HSD3B2: variants seen among roughly 807,000 people sequenced by gnomAD.
HSD3B2 encodes the protein hydroxy-delta-5-steroid dehydrogenase, 3 beta- and steroid delta-isomerase 2.
Under a neutral mutation model 9.9 loss-of-function variants are expected in HSD3B2, and 8 were observed. The observed-to-expected ratio is 0.81, with a 90% confidence interval of 0.47 to 1.46. The LOEUF (loss-of-function observed/expected upper bound fraction) is 1.46, where lower values mean the gene tolerates loss of function less well. HSD3B2 is among the 40% of genes most tolerant of loss of function. The pLI is 0.00. For synonymous variants in HSD3B2, 221 were observed against 184.5 expected (o/e 1.20, Z -1.60); for missense variants, 410 against 448.3 (o/e 0.91, Z 0.77).
At position 119,422,434 on chromosome 1, in the gene HSD3B2, AC is replaced by A; in HGVS notation, c.939del (p.Phe314SerfsTer54). 6.2e-7 allele frequency: 1 copy of A among 1,612,998 alleles called. No homozygotes were observed. Among genetic ancestry groups the A allele is most frequent in the African/African-American group, 1.3e-5 (1 of 74,704 alleles). On this transcript the variant is annotated frameshift_variant, in exon 4 of 4. Transcript: ENST00000369416. LOFTEE classifies it low-confidence loss of function (END_TRUNC). Reference protein sequence around the residue: ...FLLSPIYSYQPPFNRHTVTLS... With the variant: ...FLLSPIYSYQXPFNRHTVTLS... ...TACTCAGCCCAATTTACTCCTATCA[AC>A]CCCCCTTCAACCGCCACACAGTCAC...
intron 2 of HSD3B2, among the ~76,000 whole-genome samples, chr1:119,419,089 C>A (rs1651789637): frequency 6.6e-6 from 1 of 152,198 alleles, no homozygotes; most frequent in African/African-American, 2.4e-5. Context: ...CAACTCTCCA[C>A]AATCACTCTA....
At chr1:119,416,344 A>G (rs1651709665) in intron 2 of HSD3B2, among the ~76,000 whole-genome samples, 1 of 152,192 alleles carries the variant, frequency 6.6e-6, no homozygotes. Flanking sequence ...TCTGTTGTTC[A>G]ATACTCCAAA....
At position 119,421,808 on chromosome 1, in the gene HSD3B2, G is replaced by C; in HGVS notation, c.308-1G>C. On this transcript the variant is annotated splice_acceptor_variant, in intron 3 of 3. Transcript: ENST00000369416. LOFTEE classifies it high-confidence loss of function. ...ACTGTCATCATGCTCTTCGTGGGCAGGTACCCAGCTACTGTTGGAGGCCTG... is the reference window on the plus strand; with the variant it reads ...ACTGTCATCATGCTCTTCGTGGGCACGTACCCAGCTACTGTTGGAGGCCTG... The C allele has an allele frequency of 1.5e-5, 24 of 1,613,612 alleles. No homozygotes were observed. The highest frequency in any genetic ancestry group is 2.0e-5 in the Non-Finnish European group (24 of 1,179,770).
rs773331795 is a variant in HSD3B2, at chr1:119,422,448, G to A, written c.947G>A (p.Arg316His). Residue 316 changes from arginine to histidine, a missense_variant, in exon 4 of 4, where the codon CGC becomes CAC. Transcript: ENST00000369416. The stretch of plus-strand genomic sequence containing the variant: ...TACTCCTATCAACCCCCCTTCAACC[G>A]CCACACAGTCACATTATCAAATAGT... Reference protein sequence around the residue: ...PIYSYQPPFNRHTVTLSNSVF... With the variant: ...PIYSYQPPFNHHTVTLSNSVF... 38 of 1,613,854 alleles carry A rather than the reference G, an allele frequency of 2.4e-5. No homozygotes were observed. Among genetic ancestry groups the A allele is most frequent in the East Asian group, 6.7e-5 (3 of 44,870 alleles).
rs1402295450 is a variant in HSD3B2 at position 119,422,920 on chromosome 1, T to A, written c.*300T>A. On this transcript the variant is annotated 3_prime_UTR_variant, in exon 4 of 4. Transcript: ENST00000369416. ...TCTTAACTTGAGGTTCTCTTTTGACTAATAGAGCTCCATTTCCCCTCTTAA... is the reference window on the plus strand; with the variant it reads ...TCTTAACTTGAGGTTCTCTTTTGACAAATAGAGCTCCATTTCCCCTCTTAA... The A allele has an allele frequency of 7.9e-6, 4 of 507,260 alleles. No homozygotes were observed. The Admixed American group carries it at 1.4e-4, about 17-fold the overall frequency. 31.4% of individuals were successfully genotyped at this position (507,260 alleles called of 1,614,324 possible).
intron 3 of HSD3B2, chr1:119,420,039 G>T (rs1651819062): frequency 8.6e-6 from 2 of 232,976 alleles, no homozygotes; most frequent in Non-Finnish European, 8.5e-6. Context: ...GAGTCTTCCT[G>T]CCCACCTCAA....
intron 2 of HSD3B2, 123 bp downstream of exon 2, chr1:119,415,684 A>C (rs187377890): frequency 5.7e-4 from 572 of 995,988 alleles, no homozygotes; most frequent in Non-Finnish European, 8.6e-4. Flanking sequence ...CACACATCTA[A>C]AGTCATCAGA....
chr1:119,418,013 T>C (rs1321920675), intron 2 of HSD3B2, among the ~76,000 whole-genome samples: 1 of 152,170 alleles, frequency 6.6e-6, no homozygotes, highest in Non-Finnish European at 1.5e-5. Context: ...CGTATGCAGA[T>C]TATAAAGCAC....
At chr1:119,417,909 A>C (rs925535872) in intron 2 of HSD3B2, among the ~76,000 whole-genome samples, 3 of 151,936 alleles carry the variant, frequency 2.0e-5, no homozygotes, top group African/African-American at 4.8e-5. Flanking sequence ...CTGTCCCTTA[A>C]CCTCTCTGAG....
rs1239909664 is a variant in HSD3B2, at chr1:119,422,893, T to C, written c.*273T>C. On this transcript the variant is annotated 3_prime_UTR_variant, in exon 4 of 4. Coordinates refer to ENST00000369416, the MANE Select transcript of HSD3B2 (RefSeq NM_000198.4). Reference sequence around the variant, plus strand: ...TGGCTGATTCTGAACAATTGTGGTCTCTCTTAACTTGAGGTTCTCTTTTGA... The same window carrying C: ...TGGCTGATTCTGAACAATTGTGGTCCCTCTTAACTTGAGGTTCTCTTTTGA... The C allele has an allele frequency of 3.7e-6, 2 of 547,698 alleles. No homozygotes were observed. The highest frequency in any genetic ancestry group is 6.5e-6 in the Non-Finnish European group (2 of 305,470). 33.9% of individuals were successfully genotyped at this position (547,698 alleles called of 1,614,324 possible).
chr1:119,421,972 C>A lies in HSD3B2; in HGVS notation c.471C>A (p.Ser157Arg). ...CATGGCCCACTCCATACCCGTACAGCAAAAAGCTTGCTGAGAAGGCTGTGC... is the reference window on the plus strand; with the variant it reads ...CATGGCCCACTCCATACCCGTACAGAAAAAAGCTTGCTGAGAAGGCTGTGC... ...ENTWPTPYPYSKKLAEKAVLA... is the reference protein window; with the variant it reads ...ENTWPTPYPYRKKLAEKAVLA... The change falls in exon 4 of 4, where the codon AGC becomes AGA. Residue 157 changes from serine to arginine, a missense_variant. Physicochemically the swap from Ser to Arg is moderately radical, Grantham distance 110. Coordinates refer to ENST00000369416, the MANE Select transcript of HSD3B2 (RefSeq NM_000198.4). 1 of 1,614,022 alleles carries A rather than the reference C, an allele frequency of 6.2e-7. No individual in the cohort carries two copies. Among genetic ancestry groups the A allele is most frequent in the Non-Finnish European group, 8.5e-7 (1 of 1,179,980 alleles).
intron 3 of HSD3B2, among the ~76,000 whole-genome samples, chr1:119,421,197 T>C (rs916090525): frequency 7.9e-5 from 12 of 151,966 alleles, no homozygotes; most frequent in Non-Finnish European, 1.8e-4. Flanking sequence ...TCCACTGCCC[T>C]TTCTTGCCTA....
Position 119,421,885 on chromosome 1 carries a change from C to G in HSD3B2, c.384C>G (p.Ala128=), listed in dbSNP as rs775037341. 6.2e-7 allele frequency: 1 copy of G among 1,613,970 alleles called. No homozygotes were observed. Among genetic ancestry groups the G allele is most frequent in the South Asian group, 1.1e-5 (1 of 91,046 alleles). Reference sequence around the variant, plus strand: ...TCTACACCAGTAGCATAGAGGTAGCCGGGCCCAACTCCTACAAGGAAATCA... The same window carrying G: ...TCTACACCAGTAGCATAGAGGTAGCGGGGCCCAACTCCTACAAGGAAATCA... ...VFIYTSSIEV[A]GPNSYKEIIQ... is the part of the protein sequence containing the mutation. The change falls in exon 4 of 4, where the codon GCC becomes GCG. Residue 128 remains alanine, a synonymous_variant. Transcript: ENST00000369416.
intron 3 of HSD3B2, 98 bp downstream of exon 3, chr1:119,419,680 T>C (rs145784884): frequency 1.1e-5 from 13 of 1,234,430 alleles, no homozygotes; most frequent in Non-Finnish European, 1.5e-5. Flanking sequence ...GAACACCTGC[T>C]GAGCTCTTGG....
At chr1:119,420,077 G>T (rs1651819749) in intron 3 of HSD3B2, among the ~76,000 whole-genome samples, 2 of 152,150 alleles carry the variant, frequency 1.3e-5, no homozygotes, top group Admixed American at 1.3e-4. Flanking sequence ...AACTAGCAAA[G>T]CTGGTTCACA....
intron 3 of HSD3B2, 32 bp downstream of exon 3, chr1:119,419,614 T>C (rs1019674877): frequency 1.2e-6 from 2 of 1,605,820 alleles, no homozygotes; most frequent in African/African-American, 1.3e-5. Context: ...ATAAAACAAG[T>C]TGGTTAAATG....
chr1:119,422,290 C>G lies in HSD3B2; in HGVS notation c.789C>G (p.Ser263Arg), dbSNP rs771688849. The change falls in exon 4 of 4, where the codon AGC (serine) becomes AGG (arginine). Residue 263 changes from serine (S) to arginine (R), a missense_variant. Transcript: ENST00000369416. ...YYISDDTPHQ[S>R]YDNLNYILSK... ...TCTCAGATGACACGCCTCACCAAAG[C>G]TATGATAACCTTAATTACATCCTGA... The G allele has an allele frequency of 1.9e-6, 3 of 1,614,122 alleles. No individual in the cohort carries two copies. The highest frequency in any genetic ancestry group is 2.5e-6 in the Non-Finnish European group (3 of 1,180,000).
In HSD3B2 at chr1:119,422,792, CT is replaced by C; in HGVS notation, c.*173del. On this transcript the variant is annotated 3_prime_UTR_variant, in exon 4 of 4. Transcript: ENST00000369416. ...CATGTCATCAAAATCTGCACAGTCA[CT>C]GGCCCAACCAGAACTTTCTGTCCTA... 1 of 752,988 alleles carries C rather than the reference CT, an allele frequency of 1.3e-6. No homozygotes were observed. The highest frequency in any genetic ancestry group is 2.2e-6 in the Non-Finnish European group (1 of 445,910). 46.6% of individuals were successfully genotyped at this position (752,988 alleles called of 1,614,324 possible).
Position 119,422,998 on chromosome 1 carries a change from C to T in HSD3B2, c.*378C>T, listed in dbSNP as rs1268105330. 1 of 355,890 alleles carries T rather than the reference C, an allele frequency of 2.8e-6. No individual in the cohort carries two copies. The highest frequency in any genetic ancestry group is 2.1e-5 in the African/African-American group (1 of 48,716). The allele number at this position is 355,890 out of a possible 1,614,324, so 22.0% of individuals were successfully genotyped here. ...TCTCCTATTCCTTCACACAGTTCAA[C>T]ATAAAGAGCAATAAATGTTTTAATG... On this transcript the variant is annotated 3_prime_UTR_variant, in exon 4 of 4. Coordinates refer to ENST00000369416, the MANE Select transcript of HSD3B2 (RefSeq NM_000198.4).
Sources: allele counts gnomAD v4.1 joint callset (sites outside exome capture counted in the v4.1 genomes callset), GRCh38; gene constraint gnomAD v4.1.1; transcripts MANE v1.5; gene names NCBI Gene and HGNC (gene_info 2026-07-23, HGNC 2026-07-21).